CNDP2: variants seen among roughly 807,000 people sequenced by gnomAD.
The protein encoded by CNDP2 is carnosine dipeptidase 2, also known as cytosolic non-specific dipeptidase.
A neutral mutation model predicts 55.0 loss-of-function variants in CNDP2; 38 were observed. The observed-to-expected ratio is 0.69, with a 90% CI of 0.53 to 0.90. The LOEUF (loss-of-function observed/expected upper bound fraction) is 0.90. CNDP2 is among the 40% of genes least tolerant of loss of function. The probability of loss-of-function intolerance (pLI) is 0.00; values close to 1 mark genes in which losing one functional copy is unlikely to be tolerated. For missense variants in CNDP2, 607 were observed against 621.7 expected (o/e 0.98, Z 0.25); for synonymous variants, 241 against 260.2 (o/e 0.93, Z 0.71).
chr18:74,500,430 C>A (rs991183007), intron 2 of CNDP2, among the ~76,000 whole-genome samples: 6 of 152,136 alleles, frequency 3.9e-5, no homozygotes, highest in African/African-American at 1.4e-4. Flanking sequence ...CTTTAGAATT[C>A]TCATGCTAAA....
intron 5 of CNDP2, among the ~76,000 whole-genome samples, chr18:74,510,579 G>A (rs775737475): frequency 6.6e-6 from 1 of 152,144 alleles, no homozygotes; most frequent in Non-Finnish European, 1.5e-5. Flanking sequence ...AGCTCCCCTC[G>A]GTCATGTGGG....
intron 9 of CNDP2, 36 bp from the exon 10 acceptor site, chr18:74,518,463 A>G: frequency 1.2e-6 from 2 of 1,612,138 alleles, no homozygotes; most frequent in Non-Finnish European, 1.7e-6. Context: ...GCAAGCTTAT[A>G]AAGCATTGTA....
chr18:74,505,994 C>A lies in CNDP2; in HGVS notation c.350C>A (p.Thr117Asn), dbSNP rs1411989527. Reference protein sequence around the residue: ...LEDGWDSEPFTLVERDGKLYG... With the variant: ...LEDGWDSEPFNLVERDGKLYG... ...GACGGCTGGGACAGCGAGCCCTTCA[C>A]CCTGGTGGAGCGAGACGGTGAGCGC... is the stretch of plus-strand genomic sequence containing the variant. Residue 117 changes from threonine (T) to asparagine (N), a missense_variant, in exon 4 of 12, where the codon ACC (threonine) becomes AAC (asparagine). Transcript: ENST00000324262. The A allele has an allele frequency of 6.3e-7, 1 of 1,594,490 alleles. No individual in the cohort carries two copies. The highest frequency in any genetic ancestry group is 2.2e-5 in the East Asian group (1 of 44,632).
chr18:74,498,950 T>C (rs1339354972), intron 1 of CNDP2, among the ~76,000 whole-genome samples: 2 of 152,254 alleles, frequency 1.3e-5, no homozygotes, highest in African/African-American at 4.8e-5. Flanking sequence ...CAGCCACTTT[T>C]GAACAGTTGC....
intron 1 of CNDP2, among the ~76,000 whole-genome samples, chr18:74,497,247 G>A (rs1978464805): frequency 6.6e-6 from 1 of 152,202 alleles, no homozygotes; most frequent in Non-Finnish European, 1.5e-5. Flanking sequence ...GGCAGGAGTG[G>A]AGGAAGAGAA....
chr18:74,505,423 AC>A (rs1291338096), intron 3 of CNDP2, among the ~76,000 whole-genome samples: 1 of 152,058 alleles, frequency 6.6e-6, no homozygotes, highest in Non-Finnish European at 1.5e-5. Context: ...CAACAGTGAA[AC>A]CCTGTCTCTA....
At chr18:74,502,471 TG>T in intron 3 of CNDP2, among the ~76,000 whole-genome samples, 1 of 144,502 alleles carries the variant, frequency 6.9e-6, no homozygotes, top group African/African-American at 2.6e-5. Flanking sequence ...TTTGTCTTTT[TG>T]GTTTTTTTTT....
chr18:74,500,240 A>G (rs1978616469), intron 2 of CNDP2, among the ~76,000 whole-genome samples: 1 of 152,238 alleles, frequency 6.6e-6, no homozygotes, highest in Admixed American at 6.5e-5. Context: ...AAGAATAGCA[A>G]ATCTAATTGA....
In CNDP2 at chr18:74,516,353, G is replaced by A. The variant is rs1156295916; in HGVS notation, c.1029G>A (p.Arg343=). 6.2e-7 allele frequency: 1 copy of A among 1,613,768 alleles called. No individual in the cohort carries two copies. Among genetic ancestry groups the A allele is most frequent in the Non-Finnish European group, 8.5e-7 (1 of 1,179,890 alleles). The part of the protein sequence containing the change: ...PRKVVGKFSI[R]LVPNMTPEVV... ...AGGTGGTTGGCAAGTTCTCCATCAG[G>A]CTCGTGCCGAACATGACTCCTGAAG... is the stretch of plus-strand genomic sequence containing the variant. Residue 343 remains arginine (R), a synonymous_variant, in exon 9 of 12, where the codon AGG becomes AGA. Coordinates refer to ENST00000324262, the MANE Select transcript of CNDP2 (RefSeq NM_018235.3).
chr18:74,500,120 T>C (rs1978611797), intron 2 of CNDP2, 87 bp downstream of exon 2: 3 of 1,111,284 alleles, frequency 2.7e-6, no homozygotes, highest in East Asian at 4.9e-5. Context: ...ATATGAATTA[T>C]GCCATTTAAA....
intron 1 of CNDP2, 43 bp from the exon 2 acceptor site, chr18:74,499,839 T>G (rs1599058109): frequency 1.5e-5 from 10 of 660,402 alleles, no homozygotes; most frequent in Non-Finnish European, 2.6e-6. Flanking sequence ...GCTGGGAGGG[T>G]GGGGCAACAA....
In CNDP2 at chr18:74,520,430, G is replaced by T. The variant is rs966148454; in HGVS notation, c.*362G>T. 2.6e-5 allele frequency: 6 copies of T among 228,518 alleles called. No homozygotes were observed. The highest frequency in any genetic ancestry group is 5.2e-5 in the Non-Finnish European group (6 of 115,306). 14.2% of individuals were successfully genotyped at this position (228,518 alleles called of 1,614,324 possible). A position where few individuals can be genotyped will look rare whatever the true frequency, so the allele number is the denominator to read the frequency against. On this transcript the variant is annotated 3_prime_UTR_variant, in exon 12 of 12. Transcript: ENST00000324262. ...AGCACTTTGGGAGGCCAAGACAGGA[G>T]GATCACTTGAGGCCAGGAGTCTGAG...
In CNDP2 at chr18:74,497,534, CG is replaced by C. The variant is rs1229802442; in HGVS notation, c.-93+1105del. The C allele has an allele frequency of 5.9e-5, 9 of 152,166 alleles. 1 individual carries two copies. Among genetic ancestry groups the C allele is most frequent in the Non-Finnish European group, 8.8e-5 (6 of 68,064 alleles). The allele number at this position is 152,166 out of a possible 1,614,324, so 9.4% of individuals were successfully genotyped here. On this transcript the variant is annotated intron_variant, in intron 1 of 11. Transcript: ENST00000324262. The stretch of plus-strand genomic sequence containing the variant: ...GCATGGTGGCTCATGTGTGTAACCT[CG>C]GCACTTTGGGAGACCAAGGCGGACA...
chr18:74,506,144 C>A (rs920105145), intron 4 of CNDP2, 133 bp downstream of exon 4: 133 of 880,850 alleles, frequency 1.5e-4, no homozygotes, highest in Non-Finnish European at 1.9e-4. Context: ...TTTTAAAAAT[C>A]TTTTTTTGAG....
At chr18:74,518,679 C>G in intron 10 of CNDP2, 39 bp downstream of exon 10, 8 of 1,612,590 alleles carry the variant, frequency 5.0e-6, no homozygotes, top group Non-Finnish European at 6.8e-6. Flanking sequence ...GCGCAGGGCC[C>G]TTCGCACGTC....
At position 74,505,924 on chromosome 18, in the gene CNDP2, G is replaced by A. The variant is rs1367600763; in HGVS notation, c.280G>A (p.Val94Met). ...RLGSDPQKKT[V>M]CIYGHLDVQP... ...GGGCTCCGACCCACAGAAGAAGACC[G>A]TGTGCATTTACGGGCACCTGGATGT... is the stretch of plus-strand genomic sequence containing the variant. The change falls in exon 4 of 12, where the codon GTG (valine) becomes ATG (methionine). Residue 94 changes from valine (V) to methionine (M), a missense_variant. By Grantham distance (21) the Val-to-Met change is conservative. Transcript: ENST00000324262. 11 of 1,612,070 alleles carry A rather than the reference G, an allele frequency of 6.8e-6. No homozygotes were observed. Among genetic ancestry groups the A allele is most frequent in the African/African-American group, 5.3e-5 (4 of 74,778 alleles).
Position 74,501,207 on chromosome 18 carries a change from A to G in CNDP2, c.61-122A>G, listed in dbSNP as rs35699065. 0.041 allele frequency: 59,485 copies of G among 1,463,390 alleles called. 1,400 individuals carry two copies. Among genetic ancestry groups the G allele is most frequent in the Non-Finnish European group, 0.048 (53,061 of 1,108,200 alleles). The allele number at this position is 1,463,390 out of a possible 1,614,324, so 90.7% of individuals were successfully genotyped here. A position where few individuals can be genotyped will look rare whatever the true frequency, so the allele number is the denominator to read the frequency against. On this transcript the variant is annotated intron_variant, in intron 2 of 11. Coordinates refer to ENST00000324262, the MANE Select transcript of CNDP2 (RefSeq NM_018235.3). ...ACGTGATGGGTCTGTCCTATTTCCA[A>G]TCAGCCTGTTCAACTGCAGCAGCCA...
rs146810892 is a variant in CNDP2, at chr18:74,505,890, C to T, written c.246C>T (p.Leu82=). 5.7e-5 allele frequency: 92 copies of T among 1,611,846 alleles called. No homozygotes were observed. In the South Asian group the frequency reaches 9.5e-4, roughly 17 times the overall value. Residue 82 remains leucine (L), a synonymous_variant, in exon 4 of 12, where the codon CTC becomes CTT. Transcript: ENST00000324262. ...AGATCCCGCTCCCTCCTATTCTGCT[C>T]GGCAGGCTGGGCTCCGACCCACAGA... is the stretch of plus-strand genomic sequence containing the variant. ...GSEIPLPPIL[L]GRLGSDPQKK... is the part of the protein sequence containing the mutation.
At chr18:74,510,531 G>A (rs973952059) in intron 5 of CNDP2, among the ~76,000 whole-genome samples, 2 of 152,168 alleles carry the variant, frequency 1.3e-5, no homozygotes, top group Admixed American at 6.5e-5. Flanking sequence ...TCGTGTCGTG[G>A]CCCTTATTGC....
Sources: allele counts gnomAD v4.1 joint callset (sites outside exome capture counted in the v4.1 genomes callset), GRCh38; gene constraint gnomAD v4.1.1; transcripts MANE v1.5; gene names NCBI Gene and HGNC (gene_info 2026-07-23, HGNC 2026-07-21).